The following CYP7B1 variants were observed in gnomAD, a reference collection of about 807,000 sequenced individuals.
The protein encoded by CYP7B1 is cytochrome P450 7B1.
Under a neutral mutation model 42.7 loss-of-function variants are expected in CYP7B1, and 29 were observed. The observed-to-expected ratio is 0.68, with a 90% CI of 0.51 to 0.93. The LOEUF (loss-of-function observed/expected upper bound fraction) is 0.93. Ranked by LOEUF, CYP7B1 falls within the 40% of genes least tolerant of loss-of-function variation. CYP7B1 has a pLI of 0.00. For missense variants in CYP7B1, 655 were observed against 600.5 expected, an observed-to-expected ratio of 1.09 and a Z score of -0.95; for synonymous variants, 235 against 218.2, an observed-to-expected ratio of 1.08 and a Z score of -0.68.
intron 5 of CYP7B1, 148 bp from the exon 6 acceptor site, chr8:64,597,077 C>T (rs1805130893): frequency 4.8e-6 from 3 of 626,320 alleles, no homozygotes; most frequent in African/African-American, 3.7e-5. Context: ...GCAAATTAAG[C>T]ATGAACTTTC....
At chr8:64,615,322 G>T in intron 3 of CYP7B1, 90 bp from the exon 4 acceptor site, 1 of 1,334,046 alleles carries the variant, frequency 7.5e-7, no homozygotes, top group Non-Finnish European at 1.0e-6. Flanking sequence ...TTAGGACACA[G>T]ACCCAGCCAA....
chr8:64,654,637 C>T (rs1806093274), intron 1 of CYP7B1, among the ~76,000 whole-genome samples: 1 of 152,156 alleles, frequency 6.6e-6, no homozygotes, highest in African/African-American at 2.4e-5. Flanking sequence ...TCTCAAACTA[C>T]AAATGACATT....
chr8:64,747,908 C>T (rs1428449084), intron 1 of CYP7B1, among the ~76,000 whole-genome samples: 2 of 152,048 alleles, frequency 1.3e-5, no homozygotes, highest in African/African-American at 2.4e-5. Context: ...AGTATGAAGT[C>T]ACCCAATGGG....
At chr8:64,627,011 TTCAGGGGAA>T (rs924867849) in intron 1 of CYP7B1, among the ~76,000 whole-genome samples, 5 of 152,208 alleles carry the variant, frequency 3.3e-5, no homozygotes, top group African/African-American at 1.2e-4. Context: ...ACTCAGATCT[TTCAGGGGAA>T]AGAATGTCAA....
At chr8:64,777,540 G>A (rs537628433) in intron 1 of CYP7B1, among the ~76,000 whole-genome samples, 5 of 152,116 alleles carry the variant, frequency 3.3e-5, no homozygotes, top group East Asian at 1.9e-4. Flanking sequence ...ACCACGTGCC[G>A]ACTATTTATT....
At chr8:64,722,475 T>C (rs1230975909) in intron 1 of CYP7B1, among the ~76,000 whole-genome samples, 1 of 152,072 alleles carries the variant, frequency 6.6e-6, no homozygotes, top group African/African-American at 2.4e-5. Flanking sequence ...TTTCTAACTT[T>C]AGACATAAGG....
intron 1 of CYP7B1, among the ~76,000 whole-genome samples, chr8:64,635,924 G>T (rs1805762690): frequency 6.6e-6 from 1 of 152,146 alleles, no homozygotes; most frequent in Non-Finnish European, 1.5e-5. Context: ...TGATTTGTAA[G>T]TGCTTCTTTG....
chr8:64,780,058 G>A (rs1804395049), intron 1 of CYP7B1, among the ~76,000 whole-genome samples: 1 of 152,028 alleles, frequency 6.6e-6, no homozygotes, highest in African/African-American at 2.4e-5. Context: ...AAAACAAGTC[G>A]TTACACTAAT....
chr8:64,674,459 G>T (rs1806413628), intron 1 of CYP7B1, among the ~76,000 whole-genome samples: 2 of 152,048 alleles, frequency 1.3e-5, no homozygotes, highest in Admixed American at 1.3e-4. Flanking sequence ...AAGTTACCTG[G>T]CTATGGCAAG....
chr8:64,726,431 G>C (rs113374270), intron 1 of CYP7B1, among the ~76,000 whole-genome samples: 4,981 of 152,238 alleles, frequency 0.033, 120 homozygotes, highest in Non-Finnish European at 0.047. Flanking sequence ...ACAAAAAGTA[G>C]TTTGAATCTC....
intron 1 of CYP7B1, among the ~76,000 whole-genome samples, chr8:64,688,917 C>A (rs911393261): frequency 1.3e-5 from 2 of 151,922 alleles, no homozygotes; most frequent in East Asian, 3.8e-4. Flanking sequence ...TGGAGCGAGA[C>A]CCCATCTCAA....
intron 1 of CYP7B1, among the ~76,000 whole-genome samples, chr8:64,764,782 A>G (rs1390115826): frequency 6.6e-6 from 1 of 152,218 alleles, no homozygotes; most frequent in East Asian, 1.9e-4. Flanking sequence ...GTCAAAAAGC[A>G]AAAAGGTAGC....
chr8:64,631,919 A>G (rs1805702389), intron 1 of CYP7B1, among the ~76,000 whole-genome samples: 1 of 151,758 alleles, frequency 6.6e-6, no homozygotes, highest in Non-Finnish European at 1.5e-5. Flanking sequence ...AAAGACAACA[A>G]GTGTTGCTAA....
At chr8:64,676,526 A>C (rs187219230) in intron 1 of CYP7B1, among the ~76,000 whole-genome samples, 1 of 152,116 alleles carries the variant, frequency 6.6e-6, no homozygotes, top group Non-Finnish European at 1.5e-5. Flanking sequence ...ATTTTGTCCT[A>C]TTAATTATAC....
At chr8:64,706,601 G>C (rs1172572562) in intron 1 of CYP7B1, among the ~76,000 whole-genome samples, 1 of 151,966 alleles carries the variant, frequency 6.6e-6, no homozygotes, top group Non-Finnish European at 1.5e-5. Context: ...CTTGTCCTAA[G>C]TAAGGGCTCT....
chr8:64,653,400 A>G (rs919433566), intron 1 of CYP7B1, among the ~76,000 whole-genome samples: 15 of 152,206 alleles, frequency 9.9e-5, no homozygotes, highest in Non-Finnish European at 1.8e-4. Flanking sequence ...GAAAACCTAG[A>G]TGAGATGGAT....
At chr8:64,642,691 A>C (rs1258236439) in intron 1 of CYP7B1, among the ~76,000 whole-genome samples, 1 of 152,198 alleles carries the variant, frequency 6.6e-6, no homozygotes, top group Non-Finnish European at 1.5e-5. Flanking sequence ...ATGGTCAGCT[A>C]TAGAACATTT....
At chr8:64,695,807 G>A (rs1806818626) in intron 1 of CYP7B1, among the ~76,000 whole-genome samples, 1 of 151,612 alleles carries the variant, frequency 6.6e-6, no homozygotes, top group African/African-American at 2.4e-5. Flanking sequence ...AGTAATATAT[G>A]TAAATTCTCA....
At chr8:64,721,465 G>A (rs1807235194) in intron 1 of CYP7B1, among the ~76,000 whole-genome samples, 1 of 152,028 alleles carries the variant, frequency 6.6e-6, no homozygotes, top group Non-Finnish European at 1.5e-5. Flanking sequence ...TCTGTAAAAA[G>A]CCAAATTAAA....
Sources: gnomAD v4.1 joint callset for allele counts (sites outside exome capture counted in the v4.1 genomes callset) on GRCh38, gnomAD v4.1.1 for gene constraint, MANE v1.5 for transcripts, NCBI Gene and HGNC (gene_info 2026-07-23, HGNC 2026-07-21) for gene names.